The following G3BP2 variants were observed in gnomAD, a reference collection of about 807,000 sequenced individuals.
G3BP2 encodes the protein G3BP stress granule assembly factor 2.
Under a neutral mutation model 56.7 loss-of-function variants are expected in G3BP2, and 11 were observed. The ratio of observed to expected loss-of-function variants is 0.19; its 90% CI spans 0.12 to 0.32. The LOEUF is 0.32. Among genes scored for constraint, G3BP2 ranks in the 10% least tolerant of loss-of-function variants. The pLI is 1.00. For missense variants in G3BP2, 340 were observed against 610.9 expected, an observed-to-expected ratio of 0.56 and a Z score of 4.67; for synonymous variants, 165 against 191.6, an observed-to-expected ratio of 0.86 and a Z score of 1.15.
Position 75,645,689 on chromosome 4 carries a change from C to A in G3BP2, c.1190G>T (p.Arg397Leu). ...TTCCACATTTAAACGTACTTCCCCT[C>A]GAAACATAATCGGCTTTATAAAAGA... ...RILIAKPIMF[R>L]GEVRLNVEEK... is the part of the protein sequence containing the mutation. Residue 397 changes from arginine to leucine, a missense_variant, in exon 12 of 12, where the codon CGA becomes CTA. Around this residue, in one of 4 missense-constraint regions of G3BP2, gnomAD observed 94 missense variants for 173.8 expected, o/e 0.54. Transcript: ENST00000359707. The A allele has an allele frequency of 6.2e-7, 1 of 1,613,746 alleles. No individual in the cohort carries two copies. Among genetic ancestry groups the A allele is most frequent in the Non-Finnish European group, 8.5e-7 (1 of 1,179,874 alleles).
chr4:75,673,226 G>C lies in G3BP2; in HGVS notation c.-43C>G, dbSNP rs1733650518. 1 of 1,214,682 alleles carries C rather than the reference G, an allele frequency of 8.2e-7. No individual in the cohort carries two copies. Among genetic ancestry groups the C allele is most frequent in the Non-Finnish European group, 1.0e-6 (1 of 977,196 alleles). The allele number at this position is 1,214,682 out of a possible 1,614,324, so 75.2% of individuals were successfully genotyped here. A position where few individuals can be genotyped will look rare whatever the true frequency, so the allele number is the denominator to read the frequency against. The stretch of plus-strand genomic sequence containing the variant: ...TACACACCTCCAGCCAACGGCGGCG[G>C]CGGGTACGTCGCGCGGAGGTCAGAA... On this transcript the variant is annotated 5_prime_UTR_variant, in exon 1 of 12. Transcript: ENST00000359707.
At chr4:75,669,387 A>C (rs1733306262) in intron 1 of G3BP2, among the ~76,000 whole-genome samples, 1 of 152,190 alleles carries the variant, frequency 6.6e-6, no homozygotes, top group South Asian at 2.1e-4. Flanking sequence ...TAAACTGTGA[A>C]ATCCTTACAA....
chr4:75,652,583 C>T (rs1034612654), intron 8 of G3BP2, among the ~76,000 whole-genome samples: 1 of 152,110 alleles, frequency 6.6e-6, no homozygotes, highest in Non-Finnish European at 1.5e-5. Flanking sequence ...GATAACGCCA[C>T]TGCCACTACC....
chr4:75,701,503 G>A lies in G3BP2; in HGVS notation c.-25+19374C>T, dbSNP rs575088229. ...AGGGCAATGGCACGGATCTTGGCTC[G>A]CAGCAACCTCCGCCTCCCAGGTTCA... On this transcript the variant is annotated intron_variant, in intron 3 of 3. Coordinates refer to the G3BP2 transcript ENST00000499709. Among the ~76,000 whole-genome samples, 45 of 151,590 alleles carry A rather than the reference G, an allele frequency of 3.0e-4. No homozygotes were observed. In the South Asian group the frequency reaches 3.3e-3, roughly 11 times the overall value.
chr4:75,654,711 G>A (rs1731954937), intron 7 of G3BP2, among the ~76,000 whole-genome samples: 1 of 152,154 alleles, frequency 6.6e-6, no homozygotes, highest in Non-Finnish European at 1.5e-5. Flanking sequence ...AGACCAACTT[G>A]TTTAAGTTGG....
chr4:75,656,892 C>T, intron 5 of G3BP2, 32 bp downstream of exon 5: 1 of 991,804 alleles, frequency 1.0e-6, no homozygotes, highest in African/African-American at 1.6e-5. Flanking sequence ...CAACAGAACC[C>T]TTCTATCTTC....
chr4:75,649,473 G>A (rs755139693), intron 8 of G3BP2, among the ~76,000 whole-genome samples: 24 of 152,182 alleles, frequency 1.6e-4, no homozygotes, highest in Non-Finnish European at 2.8e-4. Context: ...AGTTTAAGAT[G>A]CCTCCCAAAA....
intron 3 of G3BP2, among the ~76,000 whole-genome samples, chr4:75,691,450 C>G (rs1246121619): frequency 6.6e-6 from 1 of 152,160 alleles, no homozygotes; most frequent in Non-Finnish European, 1.5e-5. Context: ...CTCAAGCAAT[C>G]CTCCCACCTC....
At chr4:75,658,953 T>A in intron 2 of G3BP2, 29 bp from the exon 3 acceptor site, 1 of 1,504,676 alleles carries the variant, frequency 6.6e-7, no homozygotes, top group Non-Finnish European at 9.3e-7. Context: ...TGATTAACAC[T>A]GAATTGTCAA....
chr4:75,711,184 T>C (rs1719741450), intron 3 of G3BP2, among the ~76,000 whole-genome samples: 1 of 151,484 alleles, frequency 6.6e-6, no homozygotes, highest in African/African-American at 2.4e-5. Flanking sequence ...CTGGGCATGA[T>C]GGCGGGTGCC....
At chr4:75,649,778 G>A (rs1328424288) in intron 8 of G3BP2, among the ~76,000 whole-genome samples, 2 of 152,176 alleles carry the variant, frequency 1.3e-5, no homozygotes, top group African/African-American at 4.8e-5. Flanking sequence ...GGGAGGCCAA[G>A]CTGCGCGGAT....
At chr4:75,719,133 G>C (rs1720044261) in intron 3 of G3BP2, among the ~76,000 whole-genome samples, 1 of 151,890 alleles carries the variant, frequency 6.6e-6, no homozygotes, top group Admixed American at 6.6e-5. Context: ...CGGATCACGA[G>C]GTCAGGAGAT....
In G3BP2 at chr4:75,685,438, T is replaced by C. The variant is rs1337170587; in HGVS notation, c.-24-23389A>G. On this transcript the variant is annotated intron_variant, in intron 3 of 3. Transcript: ENST00000499709. ...ATCACTTGAACCTGGGAGGTGGAGG[T>C]TGCAGTGAGCCGAGATCGCGTCACT... 3.3e-5 allele frequency among the ~76,000 whole-genome samples: 5 copies of C among 150,506 alleles called. No individual in the cohort carries two copies. In the South Asian group the frequency reaches 8.4e-4, roughly 25 times the overall value.
chr4:75,720,451 G>A (rs1334060570), intron 3 of G3BP2, among the ~76,000 whole-genome samples: 3 of 149,224 alleles, frequency 2.0e-5, no homozygotes, highest in Admixed American at 1.3e-4. Context: ...GCAGTGAGCT[G>A]AGATCGCGTC....
chr4:75,663,434 A>T (rs983903073), intron 1 of G3BP2, among the ~76,000 whole-genome samples: 5 of 152,068 alleles, frequency 3.3e-5, no homozygotes, highest in African/African-American at 7.2e-5. Flanking sequence ...TAATTTTTTT[A>T]AATTTTTTAA....
At chr4:75,695,207 C>T (rs1275944304) in intron 3 of G3BP2, among the ~76,000 whole-genome samples, 1 of 152,204 alleles carries the variant, frequency 6.6e-6, no homozygotes, top group Non-Finnish European at 1.5e-5. Flanking sequence ...ATAACAGCAG[C>T]ACCCAGGACC....
intron 1 of G3BP2, among the ~76,000 whole-genome samples, chr4:75,668,704 T>C (rs1425546975): frequency 1.3e-5 from 2 of 152,188 alleles, no homozygotes; most frequent in African/African-American, 2.4e-5. Flanking sequence ...GACTTTTGAC[T>C]TCTCCTCCAA....
intron 3 of G3BP2, among the ~76,000 whole-genome samples, chr4:75,680,003 T>C (rs1255011332): frequency 2.0e-5 from 3 of 152,228 alleles, no homozygotes; most frequent in South Asian, 2.1e-4. Flanking sequence ...AGATAGACTA[T>C]ATTTGTCAGG....
intron 1 of G3BP2, chr4:75,662,560 C>T (rs1445767577): frequency 6.6e-6 from 1 of 152,266 alleles, no homozygotes; most frequent in Non-Finnish European, 1.5e-5. Flanking sequence ...CAAATGGGAA[C>T]AAAATTAATG....
Sources: gnomAD v4.1 joint callset for allele counts (sites outside exome capture counted in the v4.1 genomes callset) on GRCh38, gnomAD v4.1.1 for gene constraint, gnomAD v4.1.1 regional missense constraint, MANE v1.5 for transcripts, NCBI Gene and HGNC (gene_info 2026-07-23, HGNC 2026-07-21) for gene names.